Variants in STPG2 observed in about 807,000 individuals in gnomAD.
STPG2 encodes the protein sperm-tail PG-rich repeat-containing protein 2.
Under a neutral mutation model 54.2 loss-of-function variants are expected in STPG2, and 56 were observed. The observed-to-expected ratio is 1.03, with a 90% CI of 0.83 to 1.29. The LOEUF is 1.29. Among genes scored for constraint, STPG2 ranks in the 50% most tolerant of loss-of-function variants. The pLI, the probability that STPG2 is intolerant of heterozygous loss-of-function variation, is 0.00. For missense variants in STPG2, 596 were observed against 544.9 expected, an observed-to-expected ratio of 1.09 and a Z score of -0.93; for synonymous variants, 200 against 181.8, an observed-to-expected ratio of 1.10 and a Z score of -0.81.
At chr4:97,940,467 C>T (rs1732934651) in intron 8 of STPG2, among the ~76,000 whole-genome samples, 1 of 152,134 alleles carries the variant, frequency 6.6e-6, no homozygotes, top group Non-Finnish European at 1.5e-5. Context: ...TTAAAATAAT[C>T]CCATACTTCT....
chr4:97,933,964 G>T (rs114080897), intron 8 of STPG2, among the ~76,000 whole-genome samples: 1 of 152,088 alleles, frequency 6.6e-6, no homozygotes, highest in Non-Finnish European at 1.5e-5. Context: ...CAGTATGCCT[G>T]TTTTCATGAC....
chr4:97,796,598 C>T (rs1411341181), intron 9 of STPG2, among the ~76,000 whole-genome samples: 1 of 152,186 alleles, frequency 6.6e-6, no homozygotes, highest in African/African-American at 2.4e-5. Context: ...GTTTTGGTTA[C>T]TGTAGCCTTG....
At chr4:97,810,896 A>G (rs189128533) in intron 9 of STPG2, among the ~76,000 whole-genome samples, 5 of 152,278 alleles carry the variant, frequency 3.3e-5, no homozygotes, top group Admixed American at 3.3e-4. Context: ...ATCACCAACA[A>G]ATTTTACAAA....
At position 97,548,590 on chromosome 4, in the gene STPG2, CATTATTTA is replaced by C. The variant is rs575332062; in HGVS notation, c.462+164101_462+164108del. Among the ~76,000 whole-genome samples the C allele has an allele frequency of 4.1e-3, 631 of 152,140 alleles. 3 individuals carry two copies. Among genetic ancestry groups the C allele is most frequent in the South Asian group, 0.02 (98 of 4,818 alleles). ...ATAATAGTATGAAATAATAAAACAT[CATTATTTA>C]ATTAATCATTTATTTGGAGTCTATA... On this transcript the variant is annotated intron_variant, in intron 4 of 4. Coordinates refer to the STPG2 transcript ENST00000522676.
chr4:97,528,967 C>G (rs2903136), intron 4 of STPG2, among the ~76,000 whole-genome samples: 71,255 of 151,902 alleles, frequency 0.47, 17,791 homozygotes, highest in South Asian at 0.62. Flanking sequence ...ATTTGAATAC[C>G]CTTTATTTCT....
chr4:97,691,445 G>C (rs1472534018), intron 10 of STPG2, among the ~76,000 whole-genome samples: 1 of 151,978 alleles, frequency 6.6e-6, no homozygotes, highest in Non-Finnish European at 1.5e-5. Context: ...TGTAGCAGAG[G>C]CAGCCATAAT....
intron 8 of STPG2, among the ~76,000 whole-genome samples, chr4:97,886,938 CT>C (rs1200408498): frequency 1.3e-5 from 2 of 152,182 alleles, no homozygotes; most frequent in Non-Finnish European, 2.9e-5. Context: ...TGTTCTCTCC[CT>C]TGCTCCTGCT....
intron 5 of STPG2, among the ~76,000 whole-genome samples, chr4:98,051,854 G>A (rs1737330994): frequency 6.6e-6 from 1 of 151,906 alleles, no homozygotes; most frequent in South Asian, 2.1e-4. Flanking sequence ...CTCACTTTGG[G>A]AGACAGGTGG....
intron 10 of STPG2, among the ~76,000 whole-genome samples, chr4:97,638,482 A>C (rs1314828258): frequency 2.6e-5 from 4 of 152,196 alleles, no homozygotes; most frequent in Non-Finnish European, 1.5e-5. Context: ...ACAAAAGACA[A>C]AATTGACAAA....
At chr4:97,991,555 C>T (rs930251020) in intron 5 of STPG2, among the ~76,000 whole-genome samples, 5 of 151,470 alleles carry the variant, frequency 3.3e-5, no homozygotes, top group African/African-American at 1.2e-4. Context: ...AATTGTGCTG[C>T]TATAAACATG....
At chr4:97,856,402 ATT>A (rs1164326270) in intron 8 of STPG2, among the ~76,000 whole-genome samples, 1 of 152,024 alleles carries the variant, frequency 6.6e-6, no homozygotes, top group Non-Finnish European at 1.5e-5. Context: ...ATTCCTAGGT[ATT>A]TTATTCCCTT....
At chr4:97,778,710 C>T (rs573347344) in intron 9 of STPG2, among the ~76,000 whole-genome samples, 1 of 152,290 alleles carries the variant, frequency 6.6e-6, no homozygotes, top group Admixed American at 6.5e-5. Flanking sequence ...CCTCACACGG[C>T]TGGGTACTAC....
intron 10 of STPG2, among the ~76,000 whole-genome samples, chr4:97,594,719 A>C (rs1387101273): frequency 6.6e-6 from 1 of 152,186 alleles, no homozygotes; most frequent in African/African-American, 2.4e-5. Flanking sequence ...TTAAAGAAAA[A>C]TCATTAAAGG....
intron 8 of STPG2, among the ~76,000 whole-genome samples, chr4:97,875,567 T>G (rs1578646072): frequency 1.3e-5 from 2 of 152,126 alleles, no homozygotes; most frequent in East Asian, 3.9e-4. Flanking sequence ...TAATTCCACT[T>G]TTGGATGAAA....
chr4:97,673,605 G>A (rs1235063434), intron 10 of STPG2, among the ~76,000 whole-genome samples: 1 of 152,024 alleles, frequency 6.6e-6, no homozygotes, highest in Non-Finnish European at 1.5e-5. Context: ...ATTGTCAACT[G>A]AGGCTTGTAA....
At chr4:97,961,084 C>T (rs1485797897) in intron 7 of STPG2, among the ~76,000 whole-genome samples, 1 of 132,214 alleles carries the variant, frequency 7.6e-6, no homozygotes, top group Non-Finnish European at 1.7e-5. Flanking sequence ...CAAACAAAAA[C>T]ATAAAATGGA....
intron 8 of STPG2, among the ~76,000 whole-genome samples, chr4:97,907,394 C>T (rs1179537493): frequency 3.9e-5 from 6 of 152,176 alleles, no homozygotes; most frequent in Admixed American, 1.3e-4. Context: ...AAGAATAATC[C>T]ATGTTCATGG....
chr4:97,459,390 C>T (rs1283172710), intron 4 of STPG2, among the ~76,000 whole-genome samples: 1 of 151,590 alleles, frequency 6.6e-6, no homozygotes, highest in East Asian at 1.9e-4. Flanking sequence ...AAACAGAAGT[C>T]CTCTATTCAA....
At chr4:97,823,258 C>T (rs1728141779) in intron 9 of STPG2, among the ~76,000 whole-genome samples, 1 of 152,204 alleles carries the variant, frequency 6.6e-6, no homozygotes, top group African/African-American at 2.4e-5. Context: ...GGCTTCAAAG[C>T]TTCAAAGGAT....
Sources: gnomAD v4.1 joint callset for allele counts (sites outside exome capture counted in the v4.1 genomes callset) on GRCh38, gnomAD v4.1.1 for gene constraint, MANE v1.5 for transcripts, NCBI Gene and HGNC (gene_info 2026-07-23, HGNC 2026-07-21) for gene names.